Variants in CYTH1 observed in about 807,000 individuals in gnomAD.
The protein encoded by CYTH1 is cytohesin 1, also known as cytohesin-1.
CYTH1 carries 18 observed loss-of-function variants against 61.8 expected under a neutral mutation model. The ratio of observed to expected loss-of-function variants is 0.29; its 90% CI spans 0.20 to 0.43. The LOEUF (loss-of-function observed/expected upper bound fraction) is 0.43. Among genes scored for constraint, CYTH1 ranks in the 20% least tolerant of loss-of-function variants. CYTH1 has a pLI of 1.00. For synonymous variants in CYTH1, 174 were observed against 184.3 expected, an observed-to-expected ratio of 0.94 and a Z score of 0.45; for missense variants, 336 against 510.5, an observed-to-expected ratio of 0.66 and a Z score of 3.29.
rs59673666 is a variant in CYTH1, at chr17:78,766,087, GA to G, written c.22+16114del. 7.6e-3 allele frequency among the ~76,000 whole-genome samples: 499 copies of G among 65,666 alleles called. 1 individual carries two copies. Among genetic ancestry groups the G allele is most frequent in the African/African-American group, 8.6e-3 (131 of 15,154 alleles). 43.1% of individuals were successfully genotyped at this position (65,666 alleles called of 152,430 possible). On this transcript the variant is annotated intron_variant, in intron 1 of 13. Coordinates refer to ENST00000446868, the MANE Select transcript of CYTH1 (RefSeq NM_004762.6). ...AACATAGTGAGATCCCATCTCTACAGAAAAAAAAAAAAAAAAAAAAAAGCCA... is the reference window on the plus strand; with the variant it reads ...AACATAGTGAGATCCCATCTCTACAGAAAAAAAAAAAAAAAAAAAAAGCCA...
At chr17:78,737,838 A>G (rs939036496) in intron 1 of CYTH1, among the ~76,000 whole-genome samples, 4 of 151,044 alleles carry the variant, frequency 2.6e-5, no homozygotes, top group South Asian at 2.1e-4. Context: ...GACTTTTGTT[A>G]TAAGTATTAT....
intron 1 of CYTH1, among the ~76,000 whole-genome samples, chr17:78,766,704 G>A (rs1455263582): frequency 1.3e-5 from 2 of 152,016 alleles, no homozygotes; most frequent in African/African-American, 4.8e-5. Context: ...ACTCCCAGAA[G>A]AAAGAACGTT....
chr17:78,744,041 T>G (rs1487448174), intron 1 of CYTH1, among the ~76,000 whole-genome samples: 1 of 152,254 alleles, frequency 6.6e-6, no homozygotes, highest in Non-Finnish European at 1.5e-5. Context: ...TTGTGGGGGC[T>G]ACACTGAGGA....
intron 1 of CYTH1, among the ~76,000 whole-genome samples, chr17:78,746,972 GATTT>G (rs1472285912): frequency 1.3e-5 from 2 of 151,488 alleles, no homozygotes; most frequent in Non-Finnish European, 2.9e-5. Flanking sequence ...AGTGTACACT[GATTT>G]ATTAAAAAAA....
At chr17:78,706,252 C>T (rs2093064338) in intron 3 of CYTH1, among the ~76,000 whole-genome samples, 1 of 152,148 alleles carries the variant, frequency 6.6e-6, no homozygotes, top group Admixed American at 6.5e-5. Flanking sequence ...AATATTCCTG[C>T]CATCCCTGTA....
chr17:78,769,794 A>C (rs770711551), intron 1 of CYTH1, among the ~76,000 whole-genome samples: 2 of 152,220 alleles, frequency 1.3e-5, no homozygotes, highest in Non-Finnish European at 2.9e-5. Context: ...AGGCAGGTGG[A>C]TCCCCTGAGG....
intron 13 of CYTH1, 67 bp from the exon 14 acceptor site, chr17:78,676,236 G>C (rs1044837638): frequency 3.0e-5 from 46 of 1,521,238 alleles, no homozygotes; most frequent in Non-Finnish European, 4.1e-5. Context: ...CACCCAGGCA[G>C]GGGATTCTCA....
chr17:78,694,712 T>A (rs79825741), intron 10 of CYTH1, among the ~76,000 whole-genome samples: 3,467 of 151,930 alleles, frequency 0.023, 134 homozygotes, highest in African/African-American at 0.079. Context: ...TAGGAGATCA[T>A]GGAAAAAGCG....
At chr17:78,689,948 C>A (rs184870634) in intron 11 of CYTH1, among the ~76,000 whole-genome samples, 3 of 152,044 alleles carry the variant, frequency 2.0e-5, no homozygotes, top group African/African-American at 7.2e-5. Flanking sequence ...CTGACTGCTG[C>A]CCCTGCCACC....
At chr17:78,774,717 TCTC>T (rs1247815209) in intron 1 of CYTH1, among the ~76,000 whole-genome samples, 3 of 152,128 alleles carry the variant, frequency 2.0e-5, no homozygotes, top group Admixed American at 2.0e-4. Flanking sequence ...TGTTGAATCT[TCTC>T]ACCACCCACA....
At chr17:78,782,147 C>T (rs1043542004) in intron 1 of CYTH1, 55 bp downstream of exon 1, 30 of 1,278,320 alleles carry the variant, frequency 2.3e-5, no homozygotes, top group Non-Finnish European at 2.3e-5. Flanking sequence ...CGGCCGGGCC[C>T]GGAGGGGACT....
chr17:78,770,372 A>G lies in CYTH1; in HGVS notation c.22+11830T>C, dbSNP rs1598926578. Among the ~76,000 whole-genome samples the G allele has an allele frequency of 1.3e-4, 20 of 150,462 alleles. 2 individuals carry two copies. The South Asian group carries it at 4.2e-3, about 32-fold the overall frequency. On this transcript the variant is annotated intron_variant, in intron 1 of 13. Coordinates refer to ENST00000446868, the MANE Select transcript of CYTH1 (RefSeq NM_004762.6). ...AAAGAAAAGAAAAAAAAAAAAACAA[A>G]GAAATCTGTGATATTACTACAAAAT...
At chr17:78,737,663 A>G (rs2093326000) in intron 1 of CYTH1, among the ~76,000 whole-genome samples, 1 of 151,946 alleles carries the variant, frequency 6.6e-6, no homozygotes, top group African/African-American at 2.4e-5. Context: ...CATCTCCATT[A>G]TGATTTCTAA....
At position 78,688,763 on chromosome 17, in the gene CYTH1, G is replaced by A. The variant is rs182932293; in HGVS notation, c.891+3654C>T. 8.5e-4 allele frequency among the ~76,000 whole-genome samples: 130 copies of A among 152,276 alleles called. 2 individuals carry two copies. Among genetic ancestry groups the A allele is most frequent in the Non-Finnish European group, 6.2e-4 (42 of 68,008 alleles). ...GATGCAGGGTGCTTGGTCTCCATGC[G>A]GTGAGGCAGTTTTGAAGCTTTCATG... On this transcript the variant is annotated intron_variant, in intron 11 of 13. Transcript: ENST00000446868.
At chr17:78,731,935 C>T (rs865810613) in intron 1 of CYTH1, among the ~76,000 whole-genome samples, 5 of 152,106 alleles carry the variant, frequency 3.3e-5, no homozygotes, top group Non-Finnish European at 5.9e-5. Context: ...AGGTCTAGCC[C>T]AGCATCTCTG....
At chr17:78,769,590 G>A (rs1006222834) in intron 1 of CYTH1, among the ~76,000 whole-genome samples, 8 of 152,102 alleles carry the variant, frequency 5.3e-5, no homozygotes, top group African/African-American at 1.7e-4. Flanking sequence ...ACTGTGACAC[G>A]CTCCTTCACA....
rs1567839631 is a variant in CYTH1, at chr17:78,698,766, T to C, written c.699+54A>G. 1.1e-5 allele frequency: 17 copies of C among 1,521,954 alleles called. 1 individual carries two copies. The South Asian group carries it at 1.4e-4, about 13-fold the overall frequency. The allele number at this position is 1,521,954 out of a possible 1,614,324, so 94.3% of individuals were successfully genotyped here. A position where few individuals can be genotyped will look rare whatever the true frequency, so the allele number is the denominator to read the frequency against. On this transcript the variant is annotated intron_variant, in intron 8 of 13. Transcript: ENST00000446868. ...TCTTCCTTCCTACAAAAGACGATCC[T>C]GTTCCCAGTGAACTCTTTCTTGACT...
At chr17:78,691,421 T>C (rs1008962257) in intron 11 of CYTH1, 10 of 152,246 alleles carry the variant, frequency 6.6e-5, no homozygotes. Context: ...TGTTTCTTGG[T>C]CCTAAATAAG....
intron 9 of CYTH1, among the ~76,000 whole-genome samples, chr17:78,697,584 T>C (rs1018441461): frequency 1.3e-5 from 2 of 151,282 alleles, no homozygotes; most frequent in East Asian, 1.9e-4. Flanking sequence ...ATGTGGCTGA[T>C]TCAGATTGAA....
Sources: gnomAD v4.1 joint callset for allele counts (sites outside exome capture counted in the v4.1 genomes callset) on GRCh38, gnomAD v4.1.1 for gene constraint, MANE v1.5 for transcripts, NCBI Gene and HGNC (gene_info 2026-07-23, HGNC 2026-07-21) for gene names.